GMPS: variants seen among roughly 807,000 people sequenced by gnomAD.
GMPS encodes the protein guanosine monophosphate synthase.
A neutral mutation model predicts 77.9 loss-of-function variants in GMPS; 15 were observed. That is an observed-to-expected ratio of 0.19 (90% confidence interval 0.13 to 0.30). The LOEUF (loss-of-function observed/expected upper bound fraction) is 0.30. Ranked by LOEUF, GMPS falls within the 10% of genes least tolerant of loss-of-function variation. GMPS has a pLI of 1.00. For missense variants in GMPS, 590 were observed against 838.8 expected, an observed-to-expected ratio of 0.70 and a Z score of 3.66; for synonymous variants, 224 against 275.9, an observed-to-expected ratio of 0.81 and a Z score of 1.86.
Position 155,870,894 on chromosome 3 carries a change from CA to C in GMPS, c.26del (p.Lys9SerfsTer33). 1 of 1,503,872 alleles carries C rather than the reference CA, an allele frequency of 6.6e-7. No individual in the cohort carries two copies. The highest frequency in any genetic ancestry group is 8.9e-7 in the Non-Finnish European group (1 of 1,129,710). 93.2% of individuals were successfully genotyped at this position (1,503,872 alleles called of 1,614,324 possible). On this transcript the variant is annotated frameshift_variant and splice_region_variant, in exon 1 of 16. Coordinates refer to ENST00000496455, the MANE Select transcript of GMPS (RefSeq NM_003875.3). LOFTEE classifies it high-confidence loss of function. MALCNGDS[K>X]LENAGGDLKD... is the part of the protein sequence containing the mutation. ...CGATGGCTCTGTGCAACGGAGACTC[CA>C]AGGTCAGCGTGGGGGTCCCTGCAGC... is the stretch of plus-strand genomic sequence containing the variant.
At chr3:155,913,060 C>CATTAATGTAAGGT (rs1755081321) in intron 7 of GMPS, among the ~76,000 whole-genome samples, 1 of 152,162 alleles carries the variant, frequency 6.6e-6, no homozygotes, top group Non-Finnish European at 1.5e-5. Flanking sequence ...GGAGGTAAGA[C>CATTAATGTAAGGT]TCTACATTAA....
At chr3:155,884,341 G>A (rs1277932990) in intron 1 of GMPS, among the ~76,000 whole-genome samples, 1 of 147,874 alleles carries the variant, frequency 6.8e-6, no homozygotes, top group Non-Finnish European at 1.5e-5. Context: ...AGCCAAGATC[G>A]CACCACTGCA....
Position 155,939,533 on chromosome 3 carries a change from T to C in GMPS, c.*1841T>C. 4.9e-6 allele frequency: 1 copy of C among 204,484 alleles called. No homozygotes were observed. The highest frequency in any genetic ancestry group is 1.0e-5 in the Non-Finnish European group (1 of 99,786). The allele number at this position is 204,484 out of a possible 1,614,324, so 12.7% of individuals were successfully genotyped here. A position where few individuals can be genotyped will look rare whatever the true frequency, so the allele number is the denominator to read the frequency against. On this transcript the variant is annotated 3_prime_UTR_variant, in exon 16 of 16. Coordinates refer to ENST00000496455, the MANE Select transcript of GMPS (RefSeq NM_003875.3). ...GAACATAAGCTCACTTGTCCTTTCC[T>C]GGAGATTCATGGTATATAATATTCA...
rs564183057 is a variant in GMPS at position 155,872,374 on chromosome 3, A to G, written c.27+1477A>G. Among the ~76,000 whole-genome samples, 11 of 152,328 alleles carry G rather than the reference A, an allele frequency of 7.2e-5. No homozygotes were observed. In the South Asian group the frequency reaches 2.1e-3, roughly 29 times the overall value. ...GTTTCTGACCTAAGGAGCAAATGTA[A>G]ACCCCATTGTCCAGCTCTTTCCCGA... On this transcript the variant is annotated intron_variant, in intron 1 of 15. Transcript: ENST00000496455.
intron 8 of GMPS, 74 bp downstream of exon 8, chr3:155,914,644 T>A: frequency 1.1e-6 from 1 of 939,578 alleles, no homozygotes; most frequent in Non-Finnish European, 1.5e-6. Context: ...TCCTTGTCAC[T>A]ATATCAAATA....
At chr3:155,873,886 C>G (rs921197558) in intron 1 of GMPS, among the ~76,000 whole-genome samples, 3 of 151,490 alleles carry the variant, frequency 2.0e-5, no homozygotes, top group Non-Finnish European at 4.4e-5. Context: ...CCACCTGCCT[C>G]AGCCTCCCAA....
At chr3:155,914,387 C>T in intron 7 of GMPS, 32 bp from the exon 8 acceptor site, 1 of 1,462,928 alleles carries the variant, frequency 6.8e-7, no homozygotes, top group South Asian at 1.4e-5. Flanking sequence ...ACATGTTATA[C>T]CAATTTAAAA....
At chr3:155,914,591 C>G (rs745404770) in intron 8 of GMPS, 21 bp downstream of exon 8, 2 of 1,477,232 alleles carry the variant, frequency 1.4e-6, no homozygotes, top group South Asian at 2.6e-5. Flanking sequence ...TTTTAATATC[C>G]TCAACATGTA....
chr3:155,932,981 C>T (rs567293113), intron 13 of GMPS, among the ~76,000 whole-genome samples: 1 of 152,250 alleles, frequency 6.6e-6, no homozygotes, highest in African/African-American at 2.4e-5. Flanking sequence ...CACTTGAGCC[C>T]AGGAGTTTGA....
chr3:155,870,573 CTG>C (rs1337574725), upstream of GMPS: 5 of 361,446 alleles, frequency 1.4e-5, no homozygotes, highest in Non-Finnish European at 1.5e-5. Flanking sequence ...CGGAGGGTAT[CTG>C]AGGCTCGGCT....
At chr3:155,936,556 C>A in intron 15 of GMPS, 46 bp downstream of exon 15, 2 of 1,068,736 alleles carry the variant, frequency 1.9e-6, no homozygotes, top group Non-Finnish European at 2.9e-6. Context: ...GTACCTCTTA[C>A]ATTTTATAAT....
intron 4 of GMPS, among the ~76,000 whole-genome samples, chr3:155,904,892 T>C (rs146103213): frequency 6.6e-6 from 1 of 152,356 alleles, no homozygotes; most frequent in African/African-American, 2.4e-5. Flanking sequence ...CCTATACTAT[T>C]CCTAAACAAC....
At chr3:155,897,870 A>G (rs1392622125) in intron 2 of GMPS, 57 bp from the exon 3 acceptor site, 1 of 886,520 alleles carries the variant, frequency 1.1e-6, no homozygotes, top group East Asian at 2.4e-5. Context: ...GAGAGAGGGC[A>G]TAGACCTTGT....
intron 10 of GMPS, among the ~76,000 whole-genome samples, chr3:155,920,017 CATA>C (rs554400756): frequency 7.4e-4 from 113 of 152,294 alleles, no homozygotes; most frequent in Admixed American, 1.4e-3. Flanking sequence ...AATTGAAAAG[CATA>C]ATAATAGCCA....
At chr3:155,884,073 A>G (rs943916901) in intron 1 of GMPS, among the ~76,000 whole-genome samples, 1 of 150,918 alleles carries the variant, frequency 6.6e-6, no homozygotes, top group Non-Finnish European at 1.5e-5. Context: ...ATAATATATT[A>G]ATATTAAAAG....
chr3:155,928,897 T>C (rs1173790206), intron 12 of GMPS, among the ~76,000 whole-genome samples: 1 of 151,494 alleles, frequency 6.6e-6, no homozygotes, highest in East Asian at 1.9e-4. Context: ...TAGTATTCCA[T>C]GGTGTATATG....
chr3:155,875,484 C>G (rs1754027399), intron 1 of GMPS, among the ~76,000 whole-genome samples: 1 of 152,236 alleles, frequency 6.6e-6, no homozygotes, highest in East Asian at 1.9e-4. Flanking sequence ...ACCGGCCTCA[C>G]CTCCCAAAGT....
intron 1 of GMPS, among the ~76,000 whole-genome samples, chr3:155,875,828 G>A (rs1410253498): frequency 6.6e-6 from 1 of 152,104 alleles, no homozygotes; most frequent in African/African-American, 2.4e-5. Context: ...TGGTTTTCTT[G>A]TTGGTGGACC....
At chr3:155,907,857 C>T (rs1273225087) in intron 5 of GMPS, among the ~76,000 whole-genome samples, 1 of 152,092 alleles carries the variant, frequency 6.6e-6, no homozygotes, top group Non-Finnish European at 1.5e-5. Context: ...AAAGAGGAAA[C>T]AGCAGTACAG....
Sources: gnomAD v4.1 joint callset for allele counts (sites outside exome capture counted in the v4.1 genomes callset) on GRCh38, gnomAD v4.1.1 for gene constraint, MANE v1.5 for transcripts, NCBI Gene and HGNC (gene_info 2026-07-23, HGNC 2026-07-21) for gene names.